USP34: variants seen among roughly 807,000 people sequenced by gnomAD.
USP34 encodes ubiquitin carboxyl-terminal hydrolase 34.
USP34 carries 70 observed loss-of-function variants against 460.3 expected under a neutral mutation model. That is an observed-to-expected ratio of 0.15 (90% CI 0.13 to 0.19). USP34 has a LOEUF of 0.19. USP34 is among the 10% of genes least tolerant of loss of function. The pLI is 1.00. For synonymous variants in USP34, 1,647 were observed against 1,405.3 expected, an observed-to-expected ratio of 1.17 and a Z score of -3.85; for missense variants, 3,985 against 4,236.2, an observed-to-expected ratio of 0.94 and a Z score of 1.65.
chr2:61,344,316 A>G (rs1691694919), intron 15 of USP34, among the ~76,000 whole-genome samples: 1 of 152,222 alleles, frequency 6.6e-6, no homozygotes, highest in Admixed American at 6.5e-5. Context: ...CACTGTTTAC[A>G]TATTATTTTA....
chr2:61,211,647 A>G (rs909787937), intron 69 of USP34, 125 bp downstream of exon 69: 2 of 1,074,000 alleles, frequency 1.9e-6, no homozygotes, highest in Non-Finnish European at 1.3e-6. Context: ...TGAACCTTCA[A>G]AATGTTCCAA....
At chr2:61,278,493 A>G in intron 39 of USP34, 50 bp from the exon 40 acceptor site, 1 of 1,334,300 alleles carries the variant, frequency 7.5e-7, no homozygotes, top group Non-Finnish European at 1.0e-6. Flanking sequence ...TTTATGTTTT[A>G]CCAAACATAA....
intron 10 of USP34, among the ~76,000 whole-genome samples, chr2:61,365,001 C>T (rs1488641814): frequency 2.0e-5 from 3 of 151,632 alleles, no homozygotes; most frequent in African/African-American, 7.3e-5. Context: ...TGCCTATAAT[C>T]CCAGCAATTT....
At chr2:61,229,713 C>G in intron 58 of USP34, 80 bp from the exon 59 acceptor site, 2 of 1,210,550 alleles carry the variant, frequency 1.7e-6, no homozygotes, top group South Asian at 2.6e-5. Flanking sequence ...ATTCAAAATT[C>G]TCTGCCACCC....
At chr2:61,355,459 G>A (rs1692074068) in intron 10 of USP34, among the ~76,000 whole-genome samples, 1 of 152,202 alleles carries the variant, frequency 6.6e-6, no homozygotes, top group Non-Finnish European at 1.5e-5. Flanking sequence ...AAAATGGAGA[G>A]ATGGAGTCAT....
chr2:61,252,458 T>C (rs965436865), intron 48 of USP34, among the ~76,000 whole-genome samples: 3 of 152,196 alleles, frequency 2.0e-5, no homozygotes, highest in African/African-American at 4.8e-5. Context: ...TACCATAACA[T>C]ATTGCTAGTT....
In USP34 at chr2:61,229,482, AAAAAAAC is replaced by A. The variant is rs1687829604; in HGVS notation, c.7199+59_7199+65del. ...TAAAAAAAAAAAAAAAAAACAAAAA[AAAAAAAC>A]AAAAACACCACACACACACAACACA... On this transcript the variant is annotated intron_variant, in intron 59 of 79. Transcript: ENST00000398571. 1.1e-4 allele frequency: 84 copies of A among 799,636 alleles called. 3 individuals carry two copies. Among genetic ancestry groups the A allele is most frequent in the South Asian group, 8.7e-4 (23 of 26,474 alleles). 49.5% of individuals were successfully genotyped at this position (799,636 alleles called of 1,614,324 possible).
At chr2:61,298,967 C>T (rs766756327) in intron 29 of USP34, among the ~76,000 whole-genome samples, 16 of 152,104 alleles carry the variant, frequency 1.1e-4, no homozygotes, top group Non-Finnish European at 1.8e-4. Flanking sequence ...TGAACAACTC[C>T]TCTTTTGAAA....
At chr2:61,296,461 C>T (rs981723554) in intron 30 of USP34, among the ~76,000 whole-genome samples, 3 of 152,076 alleles carry the variant, frequency 2.0e-5, no homozygotes, top group African/African-American at 7.2e-5. Context: ...CATCATTTCA[C>T]CTCTGTGTAT....
chr2:61,450,548 G>A (rs1019904092), intron 1 of USP34, among the ~76,000 whole-genome samples: 15 of 152,014 alleles, frequency 9.9e-5, no homozygotes, highest in African/African-American at 3.6e-4. Flanking sequence ...GATCACTTGA[G>A]GGCAGGAGTT....
chr2:61,435,938 G>C (rs1203649787), intron 1 of USP34, among the ~76,000 whole-genome samples: 2 of 152,258 alleles, frequency 1.3e-5, no homozygotes, highest in East Asian at 1.9e-4. Context: ...TTAGGCAGGA[G>C]AATCGCTTGA....
chr2:61,416,810 C>CTTT (rs538222690), intron 2 of USP34: 4 of 333,720 alleles, frequency 1.2e-5, no homozygotes, highest in East Asian at 4.8e-5. Context: ...CCTCCCTAAT[C>CTTT]TTTTTTTTTT....
At position 61,280,243 on chromosome 2, in the gene USP34, C is replaced by A; in HGVS notation, c.5256+1G>T. The A allele has an allele frequency of 6.6e-7, 1 of 1,519,768 alleles. No homozygotes were observed. The highest frequency in any genetic ancestry group is 8.9e-7 in the Non-Finnish European group (1 of 1,124,496). 94.1% of individuals were successfully genotyped at this position (1,519,768 alleles called of 1,614,324 possible). On this transcript the variant is annotated splice_donor_variant, in intron 39 of 79. Coordinates refer to ENST00000398571, the MANE Select transcript of USP34 (RefSeq NM_014709.4). LOFTEE classifies it high-confidence loss of function. Reference sequence around the variant, plus strand: ...AATAGTATATAATTTTCTGAACATACCTGACTAGCGTCCTTTATATGTATG... The same window carrying A: ...AATAGTATATAATTTTCTGAACATAACTGACTAGCGTCCTTTATATGTATG...
At chr2:61,404,665 C>T (rs961721749) in intron 3 of USP34, among the ~76,000 whole-genome samples, 1 of 152,168 alleles carries the variant, frequency 6.6e-6, no homozygotes, top group Non-Finnish European at 1.5e-5. Flanking sequence ...ACAAGTGCGA[C>T]CCAGACCTTA....
At chr2:61,219,160 T>C (rs1004464041) in intron 67 of USP34, among the ~76,000 whole-genome samples, 8 of 152,246 alleles carry the variant, frequency 5.3e-5, no homozygotes, top group Non-Finnish European at 8.8e-5. Context: ...CTATGTTATT[T>C]TGTTACTCAA....
At chr2:61,246,173 T>A (rs1218547688) in intron 50 of USP34, 151 bp downstream of exon 50, 1 of 504,718 alleles carries the variant, frequency 2.0e-6, no homozygotes, top group Non-Finnish European at 3.3e-6. Context: ...AAGAACTGAT[T>A]TACACTGTCT....
chr2:61,259,631 C>A, intron 44 of USP34, 80 bp downstream of exon 44: 1 of 1,329,594 alleles, frequency 7.5e-7, no homozygotes, highest in Non-Finnish European at 1.1e-6. Flanking sequence ...AGCCATCCAC[C>A]CACCTTGGCC....
In USP34 at chr2:61,390,752, G is replaced by C. The variant is rs371321576; in HGVS notation, c.753+4101C>G. 1.4e-4 allele frequency among the ~76,000 whole-genome samples: 21 copies of C among 152,150 alleles called. No homozygotes were observed. In the East Asian group the frequency reaches 3.7e-3, roughly 27 times the overall value. On this transcript the variant is annotated intron_variant, in intron 5 of 79. Coordinates refer to ENST00000398571, the MANE Select transcript of USP34 (RefSeq NM_014709.4). ...GTTGATAATTCAAATCCAGAGAAGA[G>C]TGAGTTTTCCTGAGATGAAATTTCA...
chr2:61,193,954 A>G lies in USP34; in HGVS notation c.9509-974T>C, dbSNP rs1459685866. ...GCTGTCTTTCAGTAAAACTTTACAA[A>G]CACTGAAATGGGAATCTCATAATTT... On this transcript the variant is annotated intron_variant, in intron 75 of 79. Transcript: ENST00000398571. 6 of 272,068 alleles carry G rather than the reference A, an allele frequency of 2.2e-5. No individual in the cohort carries two copies. The East Asian group carries it at 1.1e-3, about 48-fold the overall frequency. The allele number at this position is 272,068 out of a possible 1,614,324, so 16.9% of individuals were successfully genotyped here. A position where few individuals can be genotyped will look rare whatever the true frequency, so the allele number is the denominator to read the frequency against.
Sources: gnomAD v4.1 joint callset for allele counts (sites outside exome capture counted in the v4.1 genomes callset) on GRCh38, gnomAD v4.1.1 for gene constraint, MANE v1.5 for transcripts, NCBI Gene and HGNC (gene_info 2026-07-23, HGNC 2026-07-21) for gene names.